Variants in FERRY3 observed in about 807,000 individuals in gnomAD.
FERRY3 encodes FERRY endosomal RAB5 effector complex subunit 3, also known as protein C12orf4.
At chr12:4,531,652 T>C in the FERRY3 span, among the ~76,000 whole-genome samples, 1 of 152,206 alleles carries the variant, frequency 6.6e-6, no homozygotes, top group Admixed American at 6.5e-5. Context: ...TCCAGGCCAT[T>C]ATTTCTCCAC....
the FERRY3 span, chr12:4,490,429 T>G: frequency 1.0e-6 from 1 of 977,110 alleles, no homozygotes; most frequent in Non-Finnish European, 1.5e-6. Context: ...TTTTGTGTTG[T>G]TTTTGGGATT....
the FERRY3 span, chr12:4,525,123 A>G: frequency 8.9e-7 from 1 of 1,129,044 alleles, no homozygotes; most frequent in East Asian, 2.4e-5. Flanking sequence ...GTAAAAGCAC[A>G]GCATAAAATT....
At chr12:4,521,883 A>T in the FERRY3 span, among the ~76,000 whole-genome samples, 1 of 152,226 alleles carries the variant, frequency 6.6e-6, no homozygotes, top group East Asian at 1.9e-4. Flanking sequence ...CATTAGGCAA[A>T]GGTATCTTAG....
chr12:4,491,135 G>A, the FERRY3 span: 4 of 1,586,622 alleles, frequency 2.5e-6, no homozygotes, highest in Admixed American at 3.3e-5. Flanking sequence ...ATGTTTGGGA[G>A]GAAATACAGG....
chr12:4,531,533 A>G, the FERRY3 span, among the ~76,000 whole-genome samples: 2 of 152,160 alleles, frequency 1.3e-5, no homozygotes, highest in African/African-American at 2.4e-5. Flanking sequence ...TTTTTCCTTG[A>G]CCTAATTTAC....
the FERRY3 span, among the ~76,000 whole-genome samples, chr12:4,498,872 A>G: frequency 1.4e-3 from 218 of 152,300 alleles, 2 homozygotes; most frequent in African/African-American, 4.7e-3. Flanking sequence ...TCACGCTCCT[A>G]TGACAGTCTA....
At chr12:4,531,517 CA>C in the FERRY3 span, among the ~76,000 whole-genome samples, 163 of 152,290 alleles carry the variant, frequency 1.1e-3, no homozygotes, top group African/African-American at 3.8e-3. Context: ...AAGAACTAAG[CA>C]TAGGTTTTTC....
the FERRY3 span, among the ~76,000 whole-genome samples, chr12:4,507,812 G>A: frequency 6.6e-6 from 1 of 152,056 alleles, no homozygotes; most frequent in African/African-American, 2.4e-5. Flanking sequence ...GTGTTATGTA[G>A]AAAGCTGCCA....
the FERRY3 span, chr12:4,529,903 C>T: frequency 6.3e-7 from 1 of 1,599,610 alleles, no homozygotes; most frequent in South Asian, 1.1e-5. Context: ...ACATCTCTTT[C>T]ACCAATCAGT....
the FERRY3 span, chr12:4,518,905 T>C: frequency 2.1e-6 from 3 of 1,430,002 alleles, no homozygotes; most frequent in African/African-American, 2.9e-5. Context: ...ATTATTGATA[T>C]ACTTTTATGT....
the FERRY3 span, among the ~76,000 whole-genome samples, chr12:4,506,184 A>G: frequency 1.3e-5 from 2 of 152,178 alleles, no homozygotes; most frequent in African/African-American, 4.8e-5. Flanking sequence ...TGCAAACTGA[A>G]TATTAGCCTT....
the FERRY3 span, chr12:4,525,111 TG>T: frequency 1.0e-6 from 1 of 988,334 alleles, no homozygotes; most frequent in Non-Finnish European, 1.5e-6. Context: ...ATGCAAAAGG[TG>T]GTAAAAGCAC....
chr12:4,510,227 A>T, the FERRY3 span, among the ~76,000 whole-genome samples: 14 of 148,468 alleles, frequency 9.4e-5, no homozygotes, highest in Admixed American at 9.3e-4. Context: ...CAAAGCCTCC[A>T]AGAAATATGA....
At chr12:4,500,000 AT>A in the FERRY3 span, 1 of 749,350 alleles carries the variant, frequency 1.3e-6, no homozygotes, top group Non-Finnish European at 2.1e-6. Flanking sequence ...ATTTCACTCG[AT>A]TCTACTAACC....
At chr12:4,531,382 CCA>C in the FERRY3 span, among the ~76,000 whole-genome samples, 1 of 152,174 alleles carries the variant, frequency 6.6e-6, no homozygotes, top group South Asian at 2.1e-4. Context: ...ATGTGCTTGG[CCA>C]CACACAACAC....
chr12:4,514,898 T>C, the FERRY3 span, among the ~76,000 whole-genome samples: 1 of 145,534 alleles, frequency 6.9e-6, no homozygotes, highest in Non-Finnish European at 1.5e-5. Flanking sequence ...TAAAATAAAA[T>C]AAAATAAAAA....
the FERRY3 span, chr12:4,525,119 G>A: frequency 2.7e-6 from 3 of 1,101,538 alleles, no homozygotes; most frequent in Non-Finnish European, 3.9e-6. Context: ...GGTGGTAAAA[G>A]CACAGCATAA....
chr12:4,505,350 T>C, the FERRY3 span: 1 of 1,606,044 alleles, frequency 6.2e-7, no homozygotes, highest in Non-Finnish European at 8.5e-7. Context: ...CTTAGTCTTA[T>C]CATCATTTCC....
the FERRY3 span, among the ~76,000 whole-genome samples, chr12:4,530,864 C>A: frequency 6.6e-6 from 1 of 152,024 alleles, no homozygotes; most frequent in East Asian, 1.9e-4. Flanking sequence ...TCGGAGGAAA[C>A]TGATACACTG....
Sources: allele counts gnomAD v4.1 joint callset (sites outside exome capture counted in the v4.1 genomes callset), GRCh38; gene constraint gnomAD v4.1.1; transcripts MANE v1.5; gene names NCBI Gene and HGNC (gene_info 2026-07-23, HGNC 2026-07-21).